The following CSGALNACT1 variants were observed in gnomAD, a reference collection of about 807,000 sequenced individuals.
CSGALNACT1 encodes the protein beta4GalNAcT-1.
Under a neutral mutation model 51.0 loss-of-function variants are expected in CSGALNACT1, and 52 were observed. The ratio of observed to expected loss-of-function variants is 1.02; its 90% CI spans 0.82 to 1.29. The LOEUF (loss-of-function observed/expected upper bound fraction) is 1.29, where lower values mean the gene tolerates loss of function less well. Ranked by LOEUF, CSGALNACT1 falls within the 50% of genes most tolerant of loss-of-function variation. CSGALNACT1 has a pLI of 0.00. For synonymous variants in CSGALNACT1, 341 were observed against 254.4 expected (o/e 1.34, Z -3.24); for missense variants, 935 against 679.2 (o/e 1.38, Z -4.19).
At chr8:19,408,591 T>A in intron 9 of CSGALNACT1, 22 bp downstream of exon 8, 9 of 1,601,896 alleles carry the variant, frequency 5.6e-6, no homozygotes, top group Non-Finnish European at 7.7e-6. Context: ...TGGGTGGCAG[T>A]AGAGATGCAG....
chr8:19,595,975 G>A (rs965979581), intron 2 of CSGALNACT1, among the ~76,000 whole-genome samples: 11 of 150,536 alleles, frequency 7.3e-5, no homozygotes, highest in Admixed American at 2.7e-4. Flanking sequence ...GGGATCCTCC[G>A]ACTCTAGCCT....
rs1427299834 is a variant in CSGALNACT1 at position 19,444,254 on chromosome 8, G to A, written c.852-4323C>T. Among the ~76,000 whole-genome samples the A allele has an allele frequency of 6.6e-5, 10 of 152,148 alleles. No individual in the cohort carries two copies. In the South Asian group the frequency reaches 8.3e-4, roughly 13 times the overall value. On this transcript the variant is annotated intron_variant, in intron 5 of 9. Transcript: ENST00000454498. ...TTCCAGATTACTTTTAACACCCAAC[G>A]CAATGTAAATGCTATGTAAAGTGTT...
chr8:19,618,751 C>T (rs367592778), intron 1 of CSGALNACT1, among the ~76,000 whole-genome samples: 14 of 151,742 alleles, frequency 9.2e-5, no homozygotes, highest in South Asian at 2.1e-4. Flanking sequence ...ACAGTTCAGA[C>T]GGGGGACATG....
chr8:19,729,984 T>G (rs1198003920), intron 1 of CSGALNACT1, among the ~76,000 whole-genome samples: 2 of 152,172 alleles, frequency 1.3e-5, no homozygotes, highest in African/African-American at 2.4e-5. Flanking sequence ...AGGGTGCTGA[T>G]GTCACCTGCC....
rs28477812 is a variant in CSGALNACT1 at position 19,748,049 on chromosome 8, G to A, written c.-297+9801C>T. ...GTTCACCCATTATGTAGCCATAAAC[G>A]TACTCAAAAAAAATCTTACTTCTAT... On this transcript the variant is annotated intron_variant, in intron 1 of 1. Transcript: ENST00000517494. 6.7e-3 allele frequency among the ~76,000 whole-genome samples: 888 copies of A among 133,228 alleles called. 6 individuals are homozygous for A. The highest frequency in any genetic ancestry group is 0.024 in the African/African-American group (826 of 34,260). 87.4% of individuals were successfully genotyped at this position (133,228 alleles called of 152,430 possible).
chr8:19,410,638 C>A (rs1191095193), intron 8 of CSGALNACT1, among the ~76,000 whole-genome samples: 1 of 152,168 alleles, frequency 6.6e-6, no homozygotes, highest in African/African-American at 2.4e-5. Context: ...GATGTAGGGC[C>A]TTTCGAGGTT....
chr8:19,683,648 T>C (rs2060793557), upstream of CSGALNACT1, among the ~76,000 whole-genome samples: 1 of 152,166 alleles, frequency 6.6e-6, no homozygotes, highest in Non-Finnish European at 1.5e-5. Flanking sequence ...ACAGACCATA[T>C]ACCTGGAAAG....
At chr8:19,449,816 T>G (rs1007517198) in intron 5 of CSGALNACT1, among the ~76,000 whole-genome samples, 17 of 152,022 alleles carry the variant, frequency 1.1e-4, no homozygotes, top group African/African-American at 4.1e-4. Flanking sequence ...AGAAAGATTT[T>G]TTTTAAAGCA....
chr8:19,627,911 T>C (rs755879614), intron 1 of CSGALNACT1, among the ~76,000 whole-genome samples: 1 of 152,194 alleles, frequency 6.6e-6, no homozygotes, highest in Non-Finnish European at 1.5e-5. Context: ...ACAATATCCA[T>C]GTCTTGGTCT....
chr8:19,451,981 G>C (rs377382934), intron 5 of CSGALNACT1, among the ~76,000 whole-genome samples: 4 of 152,174 alleles, frequency 2.6e-5, no homozygotes, highest in Non-Finnish European at 5.9e-5. Context: ...GCATGGGAAG[G>C]ATAATGCTTT....
chr8:19,476,943 G>A (rs1349922150), intron 4 of CSGALNACT1, among the ~76,000 whole-genome samples: 1 of 152,172 alleles, frequency 6.6e-6, no homozygotes, highest in East Asian at 1.9e-4. Context: ...CTGGGGCAGG[G>A]ACAAGCCATC....
intron 4 of CSGALNACT1, among the ~76,000 whole-genome samples, chr8:19,463,862 G>A (rs773888888): frequency 7.9e-5 from 12 of 152,100 alleles, no homozygotes; most frequent in Non-Finnish European, 1.8e-4. Flanking sequence ...CCAACTAGGT[G>A]GGGACATCTC....
intron 1 of CSGALNACT1, among the ~76,000 whole-genome samples, chr8:19,663,955 T>G (rs1368163753): frequency 6.6e-6 from 1 of 151,992 alleles, no homozygotes; most frequent in Non-Finnish European, 1.5e-5. Flanking sequence ...GTACAAAGAG[T>G]AGAAGTGACA....
intron 1 of CSGALNACT1, among the ~76,000 whole-genome samples, chr8:19,610,550 G>T (rs1056234282): frequency 5.9e-5 from 9 of 152,182 alleles, no homozygotes; most frequent in Non-Finnish European, 1.3e-4. Context: ...GGAACACACA[G>T]GCGCTGGACA....
intron 1 of CSGALNACT1, among the ~76,000 whole-genome samples, chr8:19,662,093 TCTTCAGCAG>T (rs1421936667): frequency 7.6e-5 from 1 of 13,194 alleles, no homozygotes; most frequent in African/African-American, 3.2e-4. Flanking sequence ...CCCCCCCGCA[TCTTCAGCAG>T]CTTCAGCTCT....
At chr8:19,664,624 T>C (rs1435808045) in intron 1 of CSGALNACT1, among the ~76,000 whole-genome samples, 1 of 150,064 alleles carries the variant, frequency 6.7e-6, no homozygotes, top group Non-Finnish European at 1.5e-5. Context: ...TGTGGATGTA[T>C]GTACACACAC....
chr8:19,482,988 C>T (rs947417438), intron 4 of CSGALNACT1, among the ~76,000 whole-genome samples: 2 of 152,148 alleles, frequency 1.3e-5, no homozygotes, highest in Admixed American at 1.3e-4. Context: ...TTCACACCTC[C>T]CTCTCCATCC....
chr8:19,420,033 G>A (rs553050084), intron 7 of CSGALNACT1, among the ~76,000 whole-genome samples: 6 of 152,190 alleles, frequency 3.9e-5, no homozygotes, highest in East Asian at 1.9e-4. Flanking sequence ...ACACTGTCTC[G>A]CCTGCTGCCA....
chr8:19,740,334 G>A (rs1037270211), intron 1 of CSGALNACT1, among the ~76,000 whole-genome samples: 8 of 152,170 alleles, frequency 5.3e-5, no homozygotes, highest in African/African-American at 1.7e-4. Flanking sequence ...AAGTCCCAAG[G>A]GACACAGAGT....
Sources: allele counts gnomAD v4.1 joint callset (sites outside exome capture counted in the v4.1 genomes callset), GRCh38; gene constraint gnomAD v4.1.1; transcripts MANE v1.5; gene names NCBI Gene and HGNC (gene_info 2026-07-23, HGNC 2026-07-21).